The following SULF1 variants were observed in gnomAD, a reference collection of about 807,000 sequenced individuals.
SULF1 encodes extracellular sulfatase Sulf-1.
SULF1 carries 46 observed loss-of-function variants against 110.5 expected under a neutral mutation model. The observed-to-expected ratio is 0.42, with a 90% confidence interval of 0.33 to 0.53. The LOEUF (loss-of-function observed/expected upper bound fraction) is 0.53. Among genes scored for constraint, SULF1 ranks in the 20% least tolerant of loss-of-function variants. The pLI is 0.12. For missense variants in SULF1, 941 were observed against 1,094.2 expected (o/e 0.86, Z 1.98); for synonymous variants, 371 against 387.1 (o/e 0.96, Z 0.49).
chr8:69,556,941 GC>G (rs1424269575), intron 3 of SULF1, among the ~76,000 whole-genome samples: 1 of 151,922 alleles, frequency 6.6e-6, no homozygotes, highest in African/African-American at 2.4e-5. Flanking sequence ...CCCCCAACAG[GC>G]CCCAGCGTGT....
chr8:69,474,463 A>C (rs745748409), intron 1 of SULF1, among the ~76,000 whole-genome samples: 2 of 152,214 alleles, frequency 1.3e-5, no homozygotes, highest in Non-Finnish European at 2.9e-5. Context: ...GATGTGCTTT[A>C]CCGTGCATCC....
rs755681193 is a variant in SULF1 at position 69,660,695 on chromosome 8, A to G, written c.*2160A>G. The G allele has an allele frequency of 3.3e-5, 5 of 152,636 alleles. No homozygotes were observed. The highest frequency in any genetic ancestry group is 6.5e-5 in the Admixed American group (1 of 15,276). The allele number at this position is 152,636 out of a possible 1,614,324, so 9.5% of individuals were successfully genotyped here. A position where few individuals can be genotyped will look rare whatever the true frequency, so the allele number is the denominator to read the frequency against. On this transcript the variant is annotated 3_prime_UTR_variant, in exon 23 of 23. Transcript: ENST00000402687. ...ATCATAGACTCTGTACATATGTTCA[A>G]ATTAGCTGCTTGCCTGATGTGTGTA...
At chr8:69,566,513 C>T (rs1269071336) in intron 5 of SULF1, among the ~76,000 whole-genome samples, 1 of 152,168 alleles carries the variant, frequency 6.6e-6, no homozygotes, top group Non-Finnish European at 1.5e-5. Flanking sequence ...TACATATTTG[C>T]CTTTAACTCC....
Position 69,629,571 on chromosome 8 carries a change from G to C in SULF1, c.2176G>C (p.Glu726Gln). 6.2e-7 allele frequency: 1 copy of C among 1,614,116 alleles called. No homozygotes were observed. Among genetic ancestry groups the C allele is most frequent in the Non-Finnish European group, 8.5e-7 (1 of 1,179,968 alleles). The change falls in exon 19 of 23, where the codon GAG becomes CAG. Residue 726 changes from glutamate to glutamine, a missense_variant. Physicochemically the swap from Glu to Gln is conservative, Grantham distance 29 (BLOSUM62 2). Coordinates refer to ENST00000402687, the MANE Select transcript of SULF1 (RefSeq NM_001128205.2). ...GGAGAACAACCGTAGGAGGAAGAAGGAGAGGAAGGAGAAGAGACGGCAGAG... is the reference window on the plus strand; with the variant it reads ...GGAGAACAACCGTAGGAGGAAGAAGCAGAGGAAGGAGAAGAGACGGCAGAG... ...FKENNRRRKKERKEKRRQRKG... is the reference protein window; with the variant it reads ...FKENNRRRKKQRKEKRRQRKG...
At chr8:69,527,984 C>A (rs552227058) in intron 3 of SULF1, among the ~76,000 whole-genome samples, 1 of 152,202 alleles carries the variant, frequency 6.6e-6, no homozygotes, top group South Asian at 2.1e-4. Context: ...ACTAAAAGAC[C>A]AGTTTGGAGA....
At chr8:69,486,315 C>CT (rs201819664) in intron 1 of SULF1, among the ~76,000 whole-genome samples, 38 of 108,960 alleles carry the variant, frequency 3.5e-4, no homozygotes, top group Admixed American at 1.8e-3. Flanking sequence ...AGAAACCAGG[C>CT]TTTTTTTAAA....
At chr8:69,633,302 C>T (rs908599464) in intron 19 of SULF1, among the ~76,000 whole-genome samples, 12 of 150,430 alleles carry the variant, frequency 8.0e-5, no homozygotes, top group East Asian at 7.7e-4. Flanking sequence ...ATGTGCTTCA[C>T]GGCATGCTGA....
At chr8:69,535,358 T>C (rs985616104) in intron 3 of SULF1, among the ~76,000 whole-genome samples, 2 of 152,176 alleles carry the variant, frequency 1.3e-5, no homozygotes, top group African/African-American at 4.8e-5. Flanking sequence ...TGACCTGGCG[T>C]TGGGCATTGA....
In SULF1 at chr8:69,512,019, T is replaced by G. The variant is rs561657224; in HGVS notation, c.-134+10051T>G. 2.6e-5 allele frequency among the ~76,000 whole-genome samples: 4 copies of G among 152,288 alleles called. No homozygotes were observed. The South Asian group carries it at 6.2e-4, about 24-fold the overall frequency. ...TCCTAGAGAATGATGAAAAAAAGCA[T>G]CACGAAGAGAAGTTTCCTAAGTATT... On this transcript the variant is annotated intron_variant, in intron 3 of 22. Coordinates refer to ENST00000402687, the MANE Select transcript of SULF1 (RefSeq NM_001128205.2).
intron 3 of SULF1, among the ~76,000 whole-genome samples, chr8:69,555,853 C>T (rs572408644): frequency 6.6e-6 from 1 of 152,164 alleles, no homozygotes; most frequent in Non-Finnish European, 1.5e-5. Context: ...CATAAATATA[C>T]CATCTAATTG....
chr8:69,559,318 T>A (rs1263209779), intron 3 of SULF1, among the ~76,000 whole-genome samples: 1 of 152,246 alleles, frequency 6.6e-6, no homozygotes, highest in Admixed American at 6.5e-5. Context: ...TTTTTATTCA[T>A]GTAAGATTTT....
chr8:69,567,579 C>T (rs1468143811), intron 5 of SULF1, among the ~76,000 whole-genome samples: 1 of 152,202 alleles, frequency 6.6e-6, no homozygotes, highest in African/African-American at 2.4e-5. Context: ...TGGGTGAAAT[C>T]ATACAGCATT....
At chr8:69,493,448 TACACACACAC>T (rs56867664) in intron 1 of SULF1, among the ~76,000 whole-genome samples, 8,066 of 144,334 alleles carry the variant, frequency 0.056, 485 homozygotes, top group African/African-American at 0.15. Context: ...CACACAACAC[TACACACACAC>T]ACACACACAC....
chr8:69,576,250 T>C, intron 6 of SULF1, 41 bp downstream of exon 6: 1 of 1,573,420 alleles, frequency 6.4e-7, no homozygotes, highest in Non-Finnish European at 8.6e-7. Context: ...TCTTGTAATA[T>C]GTCTTAGACT....
In SULF1 at chr8:69,564,960, G is replaced by A. The variant is rs74558246; in HGVS notation, c.172+813G>A. Among the ~76,000 whole-genome samples, 1,135 of 152,292 alleles carry A rather than the reference G, an allele frequency of 7.5e-3. 11 individuals are homozygous for A. Among genetic ancestry groups the A allele is most frequent in the African/African-American group, 0.026 (1,093 of 41,566 alleles). On this transcript the variant is annotated intron_variant, in intron 5 of 22. Transcript: ENST00000402687. ...CTCAGGCATCACCCAGCTGTGCTTA[G>A]CCATCACATTCAACCTGACTGGTAG...
chr8:69,629,779 A>C, intron 19 of SULF1, 100 bp downstream of exon 19: 1 of 1,117,244 alleles, frequency 9.0e-7, no homozygotes, highest in Non-Finnish European at 1.3e-6. Context: ...ATCTACAAAG[A>C]TTCAAGAGAA....
At position 69,623,338 on chromosome 8, in the gene SULF1, GCTCCATAAC is replaced by G. The variant is rs1391760650; in HGVS notation, c.1595-601_1595-593del. Among the ~76,000 whole-genome samples, 11 of 152,246 alleles carry G rather than the reference GCTCCATAAC, an allele frequency of 7.2e-5. No individual in the cohort carries two copies. The East Asian group carries it at 1.9e-3, about 27-fold the overall frequency. ...ATAGTCTCAGAAGATTATAGTCCTA[GCTCCATAAC>G]CTTGCAAAATGTATGTGACATTCAA... On this transcript the variant is annotated intron_variant, in intron 14 of 22. Transcript: ENST00000402687.
chr8:69,491,017 A>C (rs916982258), upstream of SULF1, among the ~76,000 whole-genome samples: 4 of 152,202 alleles, frequency 2.6e-5, no homozygotes, highest in Non-Finnish European at 5.9e-5. Flanking sequence ...AAAATTCTTT[A>C]AAACCTGAAT....
At chr8:69,579,018 A>G (rs1805855904) in intron 6 of SULF1, among the ~76,000 whole-genome samples, 1 of 151,922 alleles carries the variant, frequency 6.6e-6, no homozygotes, top group Non-Finnish European at 1.5e-5. Flanking sequence ...AAAATTAGCC[A>G]GGCGTGGTGG....
Sources: gnomAD v4.1 joint callset for allele counts (sites outside exome capture counted in the v4.1 genomes callset) on GRCh38, gnomAD v4.1.1 for gene constraint, MANE v1.5 for transcripts, NCBI Gene and HGNC (gene_info 2026-07-23, HGNC 2026-07-21) for gene names.